The following CSMD1 variants were observed in gnomAD, a reference collection of about 807,000 sequenced individuals.
CSMD1 encodes the protein CUB and Sushi multiple domains 1.
CSMD1 carries 213 observed loss-of-function variants against 417.5 expected under a neutral mutation model. That is an observed-to-expected ratio of 0.51 (90% CI 0.46 to 0.57). The LOEUF (loss-of-function observed/expected upper bound fraction) is 0.57. CSMD1 is among the 20% of genes least tolerant of loss of function. The probability of loss-of-function intolerance (pLI) is 0.00; values close to 1 mark genes in which losing one functional copy is unlikely to be tolerated. For synonymous variants in CSMD1, 2,862 were observed against 1,736.8 expected (o/e 1.65, Z -16.11); for missense variants, 6,923 against 4,529.7 (o/e 1.53, Z -15.17).
intron 7 of CSMD1, among the ~76,000 whole-genome samples, chr8:3,681,581 G>A (rs1170960187): frequency 6.6e-6 from 1 of 152,162 alleles, no homozygotes; most frequent in Non-Finnish European, 1.5e-5. Context: ...TTATGGATAG[G>A]AAGAGTAAAT....
chr8:3,267,760 A>G (rs1331928966), intron 26 of CSMD1, among the ~76,000 whole-genome samples: 1 of 152,198 alleles, frequency 6.6e-6, no homozygotes, highest in Non-Finnish European at 1.5e-5. Context: ...TGCCTCCCAC[A>G]GCAGCTGATG....
intron 46 of CSMD1, among the ~76,000 whole-genome samples, chr8:3,100,522 T>A (rs2129012350): frequency 6.6e-6 from 1 of 152,282 alleles, no homozygotes; most frequent in South Asian, 2.1e-4. Flanking sequence ...TTAGCAGCAA[T>A]CACACATTAG....
chr8:4,799,004 C>T (rs1219724718), intron 1 of CSMD1, among the ~76,000 whole-genome samples: 2 of 152,198 alleles, frequency 1.3e-5, no homozygotes, highest in Admixed American at 6.5e-5. Context: ...TCAACTCCTC[C>T]ATCCTCTGAT....
rs190418498 is a variant in CSMD1, at chr8:3,797,621, T to C, written c.819-43579A>G. Among the ~76,000 whole-genome samples, 109 of 152,094 alleles carry C rather than the reference T, an allele frequency of 7.2e-4. 1 individual carries two copies. Among genetic ancestry groups the C allele is most frequent in the Non-Finnish European group, 1.2e-3 (81 of 67,880 alleles). On this transcript the variant is annotated intron_variant, in intron 5 of 69. Coordinates refer to ENST00000635120, the MANE Select transcript of CSMD1 (RefSeq NM_033225.6). ...TTCAGCAAGTCACACTTTTTATTGT[T>C]GGGTAGTGTTCTTTTATACAAATAT...
intron 12 of CSMD1, among the ~76,000 whole-genome samples, chr8:3,467,602 G>A (rs529095602): frequency 6.6e-5 from 10 of 152,342 alleles, no homozygotes; most frequent in African/African-American, 2.2e-4. Flanking sequence ...CCGTGTGTCA[G>A]CAAGGAGGGA....
intron 4 of CSMD1, among the ~76,000 whole-genome samples, chr8:4,000,774 T>C (rs1052208979): frequency 4.6e-5 from 7 of 152,028 alleles, no homozygotes; most frequent in Non-Finnish European, 7.4e-5. Context: ...TTTATTCTTT[T>C]CTCTGAATTC....
At chr8:4,027,813 G>C (rs564319567) in intron 4 of CSMD1, among the ~76,000 whole-genome samples, 1 of 150,238 alleles carries the variant, frequency 6.7e-6, no homozygotes, top group African/African-American at 2.5e-5. Context: ...CAAGACACTT[G>C]AAATGAAGAG....
intron 46 of CSMD1, among the ~76,000 whole-genome samples, chr8:3,099,473 A>C (rs1815577738): frequency 6.6e-6 from 1 of 152,122 alleles, no homozygotes; most frequent in African/African-American, 2.4e-5. Flanking sequence ...CTCTAGGCTG[A>C]CCTTATACTA....
intron 2 of CSMD1, among the ~76,000 whole-genome samples, chr8:4,586,431 T>C (rs1330606530): frequency 6.6e-6 from 1 of 152,198 alleles, no homozygotes; most frequent in Non-Finnish European, 1.5e-5. Flanking sequence ...CTTAACCTGT[T>C]AAGCTCATGT....
At chr8:4,719,692 T>C (rs1808925520) in intron 1 of CSMD1, among the ~76,000 whole-genome samples, 1 of 152,206 alleles carries the variant, frequency 6.6e-6, no homozygotes, top group African/African-American at 2.4e-5. Flanking sequence ...AGTAATTTGA[T>C]TTATGTATTT....
At chr8:3,787,934 G>C (rs553882683) in intron 5 of CSMD1, among the ~76,000 whole-genome samples, 10 of 152,312 alleles carry the variant, frequency 6.6e-5, no homozygotes, top group African/African-American at 1.9e-4. Flanking sequence ...AGGGGAAGGA[G>C]ATGGGCAGAA....
At chr8:3,369,135 A>C (rs1809789879) in intron 19 of CSMD1, 119 bp downstream of exon 19, 1 of 560,820 alleles carries the variant, frequency 1.8e-6, no homozygotes, top group African/African-American at 1.9e-5. Context: ...AAAATCTTGA[A>C]CTATACATGA....
intron 50 of CSMD1, among the ~76,000 whole-genome samples, chr8:3,034,485 C>T (rs1170527896): frequency 3.3e-5 from 5 of 152,068 alleles, no homozygotes; most frequent in African/African-American, 9.7e-5. Flanking sequence ...AATCTTCTGT[C>T]TTGAGGTACA....
At chr8:4,464,883 A>C (rs1800066759) in intron 2 of CSMD1, among the ~76,000 whole-genome samples, 1 of 152,144 alleles carries the variant, frequency 6.6e-6, no homozygotes, top group Admixed American at 6.5e-5. Context: ...GTTTTTTATT[A>C]GTTTTTATTA....
At chr8:3,717,728 T>C (rs1801924503) in intron 6 of CSMD1, among the ~76,000 whole-genome samples, 1 of 152,214 alleles carries the variant, frequency 6.6e-6, no homozygotes, top group Admixed American at 6.5e-5. Context: ...ATAAAGTTGT[T>C]AATATTTATT....
At chr8:4,237,832 G>C (rs897707233) in intron 3 of CSMD1, among the ~76,000 whole-genome samples, 3 of 152,144 alleles carry the variant, frequency 2.0e-5, no homozygotes, top group East Asian at 3.9e-4. Context: ...TTTTTAAAAA[G>C]GGAAGCTTTA....
At chr8:3,822,678 G>C (rs769112374) in intron 5 of CSMD1, among the ~76,000 whole-genome samples, 1 of 152,128 alleles carries the variant, frequency 6.6e-6, no homozygotes, top group Admixed American at 6.5e-5. Context: ...CAGCTTCACA[G>C]TCACGGCAAT....
chr8:4,289,705 C>A (rs1317929808), intron 3 of CSMD1, among the ~76,000 whole-genome samples: 1 of 152,178 alleles, frequency 6.6e-6, no homozygotes, highest in African/African-American at 2.4e-5. Context: ...GCTTTGCTTT[C>A]TTCAGCTACT....
At chr8:3,838,589 CCT>C (rs1193826137) in intron 5 of CSMD1, among the ~76,000 whole-genome samples, 1 of 128,962 alleles carries the variant, frequency 7.8e-6, no homozygotes, top group Non-Finnish European at 1.6e-5. Flanking sequence ...ATCTATAGTC[CCT>C]CTCTATATAA....
Sources: gnomAD v4.1 joint callset for allele counts (sites outside exome capture counted in the v4.1 genomes callset) on GRCh38, gnomAD v4.1.1 for gene constraint, MANE v1.5 for transcripts, NCBI Gene and HGNC (gene_info 2026-07-23, HGNC 2026-07-21) for gene names.